CHAC2: variants seen among roughly 807,000 people sequenced by gnomAD.
CHAC2 encodes the protein glutathione-specific gamma-glutamylcyclotransferase 2.
Under a neutral mutation model 16.9 loss-of-function variants are expected in CHAC2, and 20 were observed. The ratio of observed to expected loss-of-function variants is 1.18; its 90% CI spans 0.83 to 1.72. The LOEUF (loss-of-function observed/expected upper bound fraction) is 1.72. Among genes scored for constraint, CHAC2 ranks in the 40% most tolerant of loss-of-function variants. CHAC2 has a pLI of 0.00. For synonymous variants in CHAC2, 91 were observed against 77.3 expected (o/e 1.18, Z -0.93); for missense variants, 269 against 222.2 (o/e 1.21, Z -1.34).
At chr2:53,771,619 A>T (rs1673917731) in intron 1 of CHAC2, among the ~76,000 whole-genome samples, 1 of 152,158 alleles carries the variant, frequency 6.6e-6, no homozygotes, top group African/African-American at 2.4e-5. Flanking sequence ...ATTTTAGATG[A>T]CCTTTAGTTA....
At chr2:53,768,084 A>G in intron 1 of CHAC2, 63 bp downstream of exon 1, 1 of 1,575,480 alleles carries the variant, frequency 6.3e-7, no homozygotes. Flanking sequence ...AACTCCACAC[A>G]CAGCACCCAC....
intron 2 of CHAC2, 126 bp from the exon 3 acceptor site, chr2:53,774,016 C>T (rs780692707): frequency 9.3e-7 from 1 of 1,074,200 alleles, no homozygotes; most frequent in Non-Finnish European, 1.3e-6. Context: ...GCCTGGGCAA[C>T]AGACAAGACT....
chr2:53,771,717 A>G (rs1215381725), intron 1 of CHAC2, among the ~76,000 whole-genome samples, 190 bp from the exon 2 acceptor site: 1 of 152,166 alleles, frequency 6.6e-6, no homozygotes, highest in Admixed American at 6.5e-5. Context: ...AAAGGCCAAC[A>G]CAGTCTCTAG....
intron 1 of CHAC2, among the ~76,000 whole-genome samples, chr2:53,769,189 G>A (rs1236415304): frequency 6.6e-6 from 1 of 152,206 alleles, no homozygotes; most frequent in Non-Finnish European, 1.5e-5. Context: ...AGACATTAAA[G>A]AACTAAGCTA....
At chr2:53,771,733 G>A (rs890467985) in intron 1 of CHAC2, among the ~76,000 whole-genome samples, 174 bp from the exon 2 acceptor site, 18 of 152,034 alleles carry the variant, frequency 1.2e-4, no homozygotes, top group African/African-American at 4.3e-4. Flanking sequence ...TCTAGATAAG[G>A]TAGGTTCTCT....
intron 2 of CHAC2, among the ~76,000 whole-genome samples, chr2:53,773,811 G>A (rs1674125293): frequency 6.6e-6 from 1 of 151,598 alleles, no homozygotes; most frequent in South Asian, 2.1e-4. Flanking sequence ...GAGGCAGGTG[G>A]ATCACTTGAG....
rs772989378 is a variant in CHAC2, at chr2:53,774,323, A to T, written c.353A>T (p.Tyr118Phe). The change falls in exon 3 of 3, where the codon TAT becomes TTT. Residue 118 changes from tyrosine (Y) to phenylalanine (F), a missense_variant. Transcript: ENST00000295304. The part of the protein sequence containing the change: ...LYIGTCDNPD[Y>F]LGPAPLEDIA... ...ATTGGAACATGTGATAATCCTGATT[A>T]TCTTGGTCCTGCACCTCTGGAAGAC... is the stretch of plus-strand genomic sequence containing the variant. 1 of 1,613,804 alleles carries T rather than the reference A, an allele frequency of 6.2e-7. No homozygotes were observed. The highest frequency in any genetic ancestry group is 1.1e-5 in the South Asian group (1 of 90,892).
Position 53,771,858 on chromosome 2 carries a change from A to G in CHAC2, c.136-49A>G, listed in dbSNP as rs145853721. ...AAATGTTGCTAATGCTCAGCTACTT[A>G]ATGAACTTTATTAATTCAGAAAAAT... is the stretch of plus-strand genomic sequence containing the variant. On this transcript the variant is annotated intron_variant, in intron 1 of 2. Coordinates refer to ENST00000295304, the MANE Select transcript of CHAC2 (RefSeq NM_001008708.4). The G allele has an allele frequency of 8.4e-5, 89 of 1,064,424 alleles. 3 individuals carry two copies. In the African/African-American group the frequency reaches 1.2e-3, roughly 15 times the overall value. The allele number at this position is 1,064,424 out of a possible 1,614,324, so 65.9% of individuals were successfully genotyped here.
chr2:53,773,985 C>T (rs1573019784), intron 2 of CHAC2, among the ~76,000 whole-genome samples, 157 bp from the exon 3 acceptor site: 1 of 152,044 alleles, frequency 6.6e-6, no homozygotes, highest in Non-Finnish European at 1.5e-5. Context: ...CAGTAGGCCA[C>T]GATCGTGCCA....
intron 2 of CHAC2, among the ~76,000 whole-genome samples, chr2:53,772,881 C>G (rs769402814): frequency 6.6e-6 from 1 of 152,082 alleles, no homozygotes; most frequent in Non-Finnish European, 1.5e-5. Flanking sequence ...TCCACCCTCC[C>G]GTAGACCCCA....
chr2:53,773,628 A>T, intron 2 of CHAC2, among the ~76,000 whole-genome samples: 1 of 151,690 alleles, frequency 6.6e-6, no homozygotes, highest in Non-Finnish European at 1.5e-5. Flanking sequence ...ACGGGGTTTC[A>T]CCATCTTGGC....
Position 53,774,357 on chromosome 2 carries a change from A to G in CHAC2, c.387A>G (p.Glu129=), listed in dbSNP as rs1674179023. The change falls in exon 3 of 3, where the codon GAA becomes GAG. Residue 129 remains glutamate (E), a synonymous_variant. Transcript: ENST00000295304. ...CTGCACCTCTGGAAGACATTGCTGA[A>G]CAAATTTTTAATGCAGCTGGTCCAA... The part of the protein sequence containing the change: ...LGPAPLEDIA[E]QIFNAAGPSG... 9.9e-6 allele frequency: 16 copies of G among 1,613,518 alleles called. No homozygotes were observed. The East Asian group carries it at 3.6e-4, about 36-fold the overall frequency.
Position 53,774,153 on chromosome 2 carries a change from G to A in CHAC2, c.183G>A (p.Trp61Ter). 6.2e-7 allele frequency: 1 copy of A among 1,607,114 alleles called. No individual in the cohort carries two copies. The highest frequency in any genetic ancestry group is 8.5e-7 in the Non-Finnish European group (1 of 1,177,116). The change falls in exon 3 of 3, where the codon TGG becomes TGA. Residue 61 changes from tryptophan (W) to a stop codon, truncating the protein, a stop_gained. Coordinates refer to ENST00000295304, the MANE Select transcript of CHAC2 (RefSeq NM_001008708.4). LOFTEE classifies it high-confidence loss of function. ...TCATTTTTCAACAGGGATGTGTATG[G>A]GGTGTTGCTTACAGATTGCCAGTAG... Reference protein sequence around the residue: ...TLVEDPAGCVWGVAYRLPVGK... With the variant: ...TLVEDPAGCV
At chr2:53,767,792 G>A (rs62137612), upstream of CHAC2, 108,430 of 1,484,820 alleles carry the variant, frequency 0.073, 4,724 homozygotes, top group Admixed American at 0.15. Flanking sequence ...CCTGCGCCCC[G>A]CGCGGCCGGT....
chr2:53,767,858 G>C lies in CHAC2; in HGVS notation c.-29G>C, dbSNP rs780673283. 1 of 1,587,754 alleles carries C rather than the reference G, an allele frequency of 6.3e-7. No homozygotes were observed. The highest frequency in any genetic ancestry group is 1.1e-5 in the South Asian group (1 of 87,886). On this transcript the variant is annotated 5_prime_UTR_variant, in exon 1 of 3. Transcript: ENST00000295304. ...CGGCGCGGCGACAGCTAGGGTTCACGGCCACTGGGGCAGAGGAGCCGCGAG... is the reference window on the plus strand; with the variant it reads ...CGGCGCGGCGACAGCTAGGGTTCACCGCCACTGGGGCAGAGGAGCCGCGAG...
At chr2:53,773,196 G>A (rs1458971495) in intron 2 of CHAC2, among the ~76,000 whole-genome samples, 1 of 151,976 alleles carries the variant, frequency 6.6e-6, no homozygotes, top group Non-Finnish European at 1.5e-5. Context: ...ATAAACAAAT[G>A]GCACTTTGTT....
chr2:53,771,959 CT>C lies in CHAC2; in HGVS notation c.171+23del, dbSNP rs772652089. 7.3e-6 allele frequency: 10 copies of C among 1,373,568 alleles called. No homozygotes were observed. The African/African-American group carries it at 7.3e-5, about 10-fold the overall frequency. The allele number at this position is 1,373,568 out of a possible 1,614,324, so 85.1% of individuals were successfully genotyped here. ...GATCCTGCGGTATGGTATAAATATT[CT>C]TTTTTGTATAATTTTAATTTTATAA... On this transcript the variant is annotated intron_variant, in intron 2 of 2. Coordinates refer to ENST00000295304, the MANE Select transcript of CHAC2 (RefSeq NM_001008708.4).
chr2:53,772,464 G>T (rs371164823), intron 2 of CHAC2, among the ~76,000 whole-genome samples: 2 of 151,842 alleles, frequency 1.3e-5, no homozygotes, highest in Non-Finnish European at 2.9e-5. Context: ...ATGAGCCACC[G>T]CGCCCAGCCG....
intron 1 of CHAC2, among the ~76,000 whole-genome samples, chr2:53,768,516 C>A (rs1484424689): frequency 6.6e-6 from 1 of 152,188 alleles, no homozygotes; most frequent in East Asian, 1.9e-4. Context: ...TTCTTTACAT[C>A]TTTCAAAAGT....
Sources: allele counts gnomAD v4.1 joint callset (sites outside exome capture counted in the v4.1 genomes callset), GRCh38; gene constraint gnomAD v4.1.1; transcripts MANE v1.5; gene names NCBI Gene and HGNC (gene_info 2026-07-23, HGNC 2026-07-21).